Variants in NAALADL2 observed in about 807,000 individuals in gnomAD.
NAALADL2 encodes the protein inactive N-acetylated-alpha-linked acidic dipeptidase-like protein 2.
Under a neutral mutation model 87.2 loss-of-function variants are expected in NAALADL2, and 76 were observed. The ratio of observed to expected loss-of-function variants is 0.87; its 90% CI spans 0.72 to 1.05. The LOEUF is 1.05. NAALADL2 is among the 50% of genes least tolerant of loss of function. The pLI, the probability that NAALADL2 is intolerant of heterozygous loss-of-function variation, is 0.00. For synonymous variants in NAALADL2, 354 were observed against 331.0 expected (o/e 1.07, Z -0.75); for missense variants, 1,089 against 945.8 (o/e 1.15, Z -1.99).
At chr3:174,982,738 G>A (rs1745278187) in intron 1 of NAALADL2, among the ~76,000 whole-genome samples, 2 of 152,148 alleles carry the variant, frequency 1.3e-5, no homozygotes, top group Admixed American at 1.3e-4. Flanking sequence ...TATATGCAAA[G>A]CTATTGGCAA....
At chr3:175,020,882 T>C (rs538095923) in intron 1 of NAALADL2, among the ~76,000 whole-genome samples, 1 of 152,194 alleles carries the variant, frequency 6.6e-6, no homozygotes, top group East Asian at 1.9e-4. Context: ...CTGCCAGGGA[T>C]ACCTGCCTCC....
intron 9 of NAALADL2, among the ~76,000 whole-genome samples, chr3:175,490,062 T>G (rs544492590): frequency 1.3e-5 from 2 of 152,286 alleles, no homozygotes; most frequent in East Asian, 3.9e-4. Context: ...GGCCCATCTC[T>G]CTGTCAACAA....
chr3:175,066,267 A>G (rs1244345436), intron 1 of NAALADL2, among the ~76,000 whole-genome samples: 1 of 152,142 alleles, frequency 6.6e-6, no homozygotes, highest in African/African-American at 2.4e-5. Context: ...AGAAGTAGTT[A>G]GGTTACCTGT....
intron 1 of NAALADL2, among the ~76,000 whole-genome samples, chr3:174,878,577 T>C (rs1728804026): frequency 6.6e-6 from 1 of 152,122 alleles, no homozygotes; most frequent in Admixed American, 6.6e-5. Context: ...ATGTCTATGA[T>C]TGTTGTTTAA....
In NAALADL2 at chr3:175,138,887, A is replaced by AATATATATATATATATAT. The variant is rs58824117; in HGVS notation, c.545+41617_545+41634dup. Among the ~76,000 whole-genome samples, 34 of 95,414 alleles carry AATATATATATATATATAT rather than the reference A, an allele frequency of 3.6e-4. 1 individual carries two copies. The highest frequency in any genetic ancestry group is 4.9e-4 in the Non-Finnish European group (26 of 53,438). 62.6% of individuals were successfully genotyped at this position (95,414 alleles called of 152,430 possible). ...CAGAAAAAAAATTTCAGCCTTTTAA[A>AATATATATATATATATAT]ATATATATATATATATATATATATA... On this transcript the variant is annotated intron_variant, in intron 2 of 13. Coordinates refer to ENST00000454872, the MANE Select transcript of NAALADL2 (RefSeq NM_207015.3).
chr3:174,498,934 A>G (rs1034095196), intron 1 of NAALADL2, among the ~76,000 whole-genome samples: 2 of 152,098 alleles, frequency 1.3e-5, no homozygotes, highest in African/African-American at 4.8e-5. Context: ...AGTAACCTGC[A>G]GTAAACAAAA....
At chr3:175,449,754 G>A (rs2149231072) in intron 6 of NAALADL2, among the ~76,000 whole-genome samples, 1 of 152,264 alleles carries the variant, frequency 6.6e-6, no homozygotes, top group Admixed American at 6.5e-5. Context: ...CTCTCCAGCT[G>A]CATTTCCATA....
chr3:175,488,900 A>T (rs1168271099), intron 9 of NAALADL2, among the ~76,000 whole-genome samples: 1 of 152,218 alleles, frequency 6.6e-6, no homozygotes, highest in East Asian at 1.9e-4. Flanking sequence ...ATAAAAAGCC[A>T]ATCTGAATAG....
intron 1 of NAALADL2, among the ~76,000 whole-genome samples, chr3:174,530,800 G>A (rs1721174034): frequency 6.6e-6 from 1 of 152,112 alleles, no homozygotes; most frequent in Admixed American, 6.5e-5. Context: ...GATATGGGTG[G>A]GGACACAGCC....
At chr3:174,941,642 T>G (rs74787230) in intron 1 of NAALADL2, among the ~76,000 whole-genome samples, 1 of 152,138 alleles carries the variant, frequency 6.6e-6, no homozygotes, top group African/African-American at 2.4e-5. Context: ...TTTCTCTTTT[T>G]ATGTCTCTAA....
At chr3:175,556,640 CA>C (rs909565330) in intron 9 of NAALADL2, among the ~76,000 whole-genome samples, 2 of 150,936 alleles carry the variant, frequency 1.3e-5, no homozygotes, top group Non-Finnish European at 3.0e-5. Context: ...AAATATATAA[CA>C]AAAAAAAATC....
At chr3:175,182,363 GT>G (rs1168518288) in intron 2 of NAALADL2, among the ~76,000 whole-genome samples, 2 of 151,458 alleles carry the variant, frequency 1.3e-5, no homozygotes, top group Admixed American at 6.6e-5. Flanking sequence ...TCTATTAATT[GT>G]TTCTTTTTTG....
At chr3:174,628,474 C>CAAAAAAAAAAA (rs5854584) in intron 2 of NAALADL2, among the ~76,000 whole-genome samples, 1 of 86,600 alleles carries the variant, frequency 1.2e-5, no homozygotes, top group Admixed American at 1.4e-4. Flanking sequence ...GAGACTGTCT[C>CAAAAAAAAAAA]AAAAAAAAAA....
intron 3 of NAALADL2, among the ~76,000 whole-genome samples, chr3:174,798,691 T>A (rs1240285108): frequency 6.6e-6 from 1 of 152,032 alleles, no homozygotes; most frequent in African/African-American, 2.4e-5. Flanking sequence ...TTAAATGAAT[T>A]TTTTTAAATT....
chr3:175,102,106 A>G (rs1722313392), intron 2 of NAALADL2, among the ~76,000 whole-genome samples: 1 of 152,208 alleles, frequency 6.6e-6, no homozygotes, highest in Admixed American at 6.5e-5. Flanking sequence ...ATAGATTTAA[A>G]TCACTACATA....
At position 175,802,137 on chromosome 3, in the gene NAALADL2, AGTGT is replaced by A. The variant is rs1287548373; in HGVS notation, c.2190-865_2190-862del. ...ATAACATTTCATTTGCAAATATTAC[AGTGT>A]GTATTAATTTTCTAAAGTGATAAGA... On this transcript the variant is annotated intron_variant, in intron 13 of 13. Coordinates refer to ENST00000454872, the MANE Select transcript of NAALADL2 (RefSeq NM_207015.3). Among the ~76,000 whole-genome samples, 15 of 116,332 alleles carry A rather than the reference AGTGT, an allele frequency of 1.3e-4. No individual in the cohort carries two copies. The East Asian group carries it at 3.6e-3, about 28-fold the overall frequency. 76.3% of individuals were successfully genotyped at this position (116,332 alleles called of 152,430 possible).
At chr3:175,291,914 A>T (rs1014682793) in intron 4 of NAALADL2, among the ~76,000 whole-genome samples, 5 of 152,246 alleles carry the variant, frequency 3.3e-5, no homozygotes, top group Non-Finnish European at 7.3e-5. Context: ...AAGAATATAT[A>T]CTAATAATGG....
intron 1 of NAALADL2, among the ~76,000 whole-genome samples, chr3:174,882,778 T>TGTGTAC (rs1729527786): frequency 7.7e-6 from 1 of 129,420 alleles, no homozygotes; most frequent in Non-Finnish European, 1.7e-5. Flanking sequence ...CGTGTATATA[T>TGTGTAC]ACATATGTGT....
intron 9 of NAALADL2, among the ~76,000 whole-genome samples, chr3:175,522,508 G>A (rs1014696377): frequency 3.9e-5 from 6 of 152,176 alleles, no homozygotes; most frequent in Non-Finnish European, 8.8e-5. Flanking sequence ...GAAACAAAAG[G>A]TGGGTCAGAC....
Sources: gnomAD v4.1 joint callset for allele counts (sites outside exome capture counted in the v4.1 genomes callset) on GRCh38, gnomAD v4.1.1 for gene constraint, MANE v1.5 for transcripts, NCBI Gene and HGNC (gene_info 2026-07-23, HGNC 2026-07-21) for gene names.